The following EXOC5 variants were observed in gnomAD, a reference collection of about 807,000 sequenced individuals.
EXOC5 encodes SEC10-like 1.
EXOC5 carries 17 observed loss-of-function variants against 90.8 expected under a neutral mutation model. That is an observed-to-expected ratio of 0.19 (90% CI 0.13 to 0.28). The LOEUF is 0.28. EXOC5 is among the 10% of genes least tolerant of loss of function. The pLI is 1.00. For missense variants in EXOC5, 569 were observed against 830.6 expected (o/e 0.69, Z 3.87); for synonymous variants, 260 against 270.0 (o/e 0.96, Z 0.36).
At chr14:57,218,277 A>C (rs1326461672) in intron 14 of EXOC5, among the ~76,000 whole-genome samples, 1 of 152,076 alleles carries the variant, frequency 6.6e-6, no homozygotes, top group Non-Finnish European at 1.5e-5. Flanking sequence ...TAGACTAAAA[A>C]CAACCGATTA....
chr14:57,218,241 C>T (rs746752521), intron 14 of EXOC5, among the ~76,000 whole-genome samples, 173 bp from the exon 15 acceptor site: 7 of 152,010 alleles, frequency 4.6e-5, no homozygotes, highest in Non-Finnish European at 1.0e-4. Flanking sequence ...AATTATTTAG[C>T]ATTCACTATG....
At chr14:57,268,019 A>C (rs1294149969) in intron 1 of EXOC5, among the ~76,000 whole-genome samples, 2 of 152,038 alleles carry the variant, frequency 1.3e-5, no homozygotes, top group African/African-American at 4.8e-5. Flanking sequence ...GCCTCCCTTC[A>C]GTCTATCTCT....
chr14:57,227,857 A>G (rs1405306676), intron 12 of EXOC5, among the ~76,000 whole-genome samples: 2 of 152,058 alleles, frequency 1.3e-5, no homozygotes, highest in Admixed American at 6.6e-5. Context: ...TCCACTACCT[A>G]AAAGCCAAGT....
rs1005393219 is a variant in EXOC5, at chr14:57,207,235, T to A, written c.*1374A>T. ...TTGGTAAAGTTGATGACATTCAGAATAAGGTTCTCAGAAGAAAAGCAGTTT... is the reference window on the plus strand; with the variant it reads ...TTGGTAAAGTTGATGACATTCAGAAAAAGGTTCTCAGAAGAAAAGCAGTTT... On this transcript the variant is annotated 3_prime_UTR_variant, in exon 18 of 18. Coordinates refer to ENST00000621441, the MANE Select transcript of EXOC5 (RefSeq NM_006544.4). 14 of 152,384 alleles carry A rather than the reference T, an allele frequency of 9.2e-5. No individual in the cohort carries two copies. The highest frequency in any genetic ancestry group is 8.3e-4 in the South Asian group (4 of 4,828). 9.4% of individuals were successfully genotyped at this position (152,384 alleles called of 1,614,324 possible).
At chr14:57,233,391 G>C (rs1883544472) in intron 9 of EXOC5, among the ~76,000 whole-genome samples, 1 of 151,944 alleles carries the variant, frequency 6.6e-6, no homozygotes, top group Admixed American at 6.6e-5. Flanking sequence ...AAATTCTACA[G>C]ACTGCTCTTG....
intron 7 of EXOC5, 101 bp downstream of exon 7, chr14:57,235,610 T>C: frequency 1.6e-6 from 1 of 624,264 alleles, no homozygotes; most frequent in Non-Finnish European, 2.9e-6. Context: ...ATCACTGTGA[T>C]AGTTACATAA....
At chr14:57,215,182 A>G (rs961154155) in intron 15 of EXOC5, among the ~76,000 whole-genome samples, 6 of 152,068 alleles carry the variant, frequency 3.9e-5, no homozygotes, top group Non-Finnish European at 8.8e-5. Context: ...CAGTGAGCCA[A>G]GATCGTGCCA....
At chr14:57,234,323 T>G (rs1195995826) in intron 7 of EXOC5, among the ~76,000 whole-genome samples, 1 of 151,760 alleles carries the variant, frequency 6.6e-6, no homozygotes, top group Non-Finnish European at 1.5e-5. Context: ...GAGTAATTTT[T>G]GTCCTATGAT....
At chr14:57,210,380 CAAGTT>C (rs1319000844) in intron 15 of EXOC5, among the ~76,000 whole-genome samples, 5 of 152,064 alleles carry the variant, frequency 3.3e-5, no homozygotes. Context: ...AAACCATATA[CAAGTT>C]GAGTATCCCT....
intron 13 of EXOC5, among the ~76,000 whole-genome samples, chr14:57,220,323 T>C (rs1883092089): frequency 1.3e-5 from 2 of 151,690 alleles, no homozygotes; most frequent in South Asian, 2.1e-4. Flanking sequence ...GTAGAAAATA[T>C]GAATCATTGT....
intron 1 of EXOC5, among the ~76,000 whole-genome samples, chr14:57,266,121 A>C (rs1884662630): frequency 6.6e-6 from 1 of 152,230 alleles, no homozygotes; most frequent in Non-Finnish European, 1.5e-5. Context: ...TTCTCCTAAC[A>C]TGAAAAGTGA....
Position 57,206,569 on chromosome 14 carries a change from AAG to A in EXOC5, c.*2038_*2039del, listed in dbSNP as rs1376348234. ...AGGATGGATGGCTCTAAAATATAAA[AAG>A]AGTGAAATAAAAAAAACAACTGCAG... On this transcript the variant is annotated 3_prime_UTR_variant, in exon 18 of 18. Coordinates refer to ENST00000621441, the MANE Select transcript of EXOC5 (RefSeq NM_006544.4). 1 of 152,360 alleles carries A rather than the reference AAG, an allele frequency of 6.6e-6. No homozygotes were observed. The highest frequency in any genetic ancestry group is 1.5e-5 in the Non-Finnish European group (1 of 67,886). 9.4% of individuals were successfully genotyped at this position (152,360 alleles called of 1,614,324 possible).
intron 9 of EXOC5, 49 bp downstream of exon 9, chr14:57,233,694 A>T: frequency 8.6e-7 from 1 of 1,166,482 alleles, no homozygotes; most frequent in Non-Finnish European, 1.2e-6. Context: ...TAGGGAAAAA[A>T]TTACATATTG....
intron 12 of EXOC5, among the ~76,000 whole-genome samples, chr14:57,223,814 A>C (rs1883224927): frequency 6.6e-6 from 1 of 152,166 alleles, no homozygotes; most frequent in Non-Finnish European, 1.5e-5. Context: ...TGGGCTAAAA[A>C]AACCACAAGT....
At chr14:57,256,690 G>A (rs1476937315) in intron 1 of EXOC5, among the ~76,000 whole-genome samples, 2 of 152,182 alleles carry the variant, frequency 1.3e-5, no homozygotes, top group African/African-American at 2.4e-5. Flanking sequence ...AAGCCTTCAT[G>A]GGCAGATTTT....
intron 1 of EXOC5, 74 bp downstream of exon 1, chr14:57,268,548 C>G: frequency 1.3e-6 from 2 of 1,545,256 alleles, no homozygotes; most frequent in Non-Finnish European, 1.7e-6. Context: ...AGCAAACGCC[C>G]GCTCCTCGGC....
chr14:57,214,415 T>C (rs1009053580), intron 15 of EXOC5, among the ~76,000 whole-genome samples: 5 of 152,146 alleles, frequency 3.3e-5, no homozygotes, highest in African/African-American at 9.7e-5. Context: ...GTTTCAAATT[T>C]TGAAGCATTT....
intron 15 of EXOC5, 111 bp from the exon 16 acceptor site, chr14:57,210,172 T>C (rs1338478041): frequency 3.5e-6 from 2 of 571,212 alleles, no homozygotes; most frequent in East Asian, 5.8e-5. Context: ...CCTATCACCA[T>C]GAAACTCTTT....
At chr14:57,231,817 T>C (rs1016073578) in intron 10 of EXOC5, 102 bp from the exon 11 acceptor site, 1 of 727,758 alleles carries the variant, frequency 1.4e-6, no homozygotes, top group Non-Finnish European at 2.2e-6. Context: ...ATGACTTATG[T>C]TAAGCCACCA....
Sources: allele counts gnomAD v4.1 joint callset (sites outside exome capture counted in the v4.1 genomes callset), GRCh38; gene constraint gnomAD v4.1.1; transcripts MANE v1.5; gene names NCBI Gene and HGNC (gene_info 2026-07-23, HGNC 2026-07-21).